The following TDRD12 variants were observed in gnomAD, a reference collection of about 807,000 sequenced individuals.
TDRD12 encodes putative ATP-dependent RNA helicase TDRD12.
A neutral mutation model predicts 133.5 loss-of-function variants in TDRD12; 158 were observed. The observed-to-expected ratio is 1.18, with a 90% CI of 1.04 to 1.35. TDRD12 has a LOEUF of 1.35. Ranked by LOEUF, TDRD12 falls within the 40% of genes most tolerant of loss-of-function variation. The pLI is 0.00. For synonymous variants in TDRD12, 460 were observed against 477.9 expected (o/e 0.96, Z 0.49); for missense variants, 1,443 against 1,321.3 (o/e 1.09, Z -1.43).
chr19:32,755,909 T>G, intron 6 of TDRD12, 83 bp from the exon 7 acceptor site: 1 of 1,024,930 alleles, frequency 9.8e-7, no homozygotes, highest in Non-Finnish European at 1.3e-6. Flanking sequence ...AGGTAGAACT[T>G]TGGGGTTAAG....
At chr19:32,770,110 A>G (rs914044791) in intron 8 of TDRD12, among the ~76,000 whole-genome samples, 12 of 149,600 alleles carry the variant, frequency 8.0e-5, no homozygotes, top group African/African-American at 3.0e-4. Context: ...AACTTTAAGC[A>G]ATTCTCCCAC....
chr19:32,726,120 G>T (rs184980614), intron 1 of TDRD12, among the ~76,000 whole-genome samples: 3 of 148,648 alleles, frequency 2.0e-5, no homozygotes, highest in Admixed American at 6.8e-5. Flanking sequence ...TTGCTCTGTC[G>T]CCCAGGCCGG....
At chr19:32,795,347 A>G (rs1431186668) in intron 14 of TDRD12, among the ~76,000 whole-genome samples, 3 of 151,860 alleles carry the variant, frequency 2.0e-5, no homozygotes, top group Non-Finnish European at 2.9e-5. Flanking sequence ...AAAAAAAAAA[A>G]AAAAAGAAAG....
At position 32,777,834 on chromosome 19, in the gene TDRD12, TATATATATATATATATATATATA is replaced by T. The variant is rs1313552828; in HGVS notation, c.1121+606_1121+628del. The stretch of plus-strand genomic sequence containing the variant: ...TTACATATATATATATATATATATA[TATATATATATATATATATATATA>T]TTTTTTTTTTTTTTTTTTTTTTTTT... On this transcript the variant is annotated intron_variant, in intron 11 of 27. Transcript: ENST00000444215. 6.5e-3 allele frequency among the ~76,000 whole-genome samples: 72 copies of T among 11,144 alleles called. 1 individual carries two copies. The highest frequency in any genetic ancestry group is 0.017 in the East Asian group (7 of 412). The allele number at this position is 11,144 out of a possible 152,430, so 7.3% of individuals were successfully genotyped here. A position where few individuals can be genotyped will look rare whatever the true frequency, so the allele number is the denominator to read the frequency against.
chr19:32,746,937 TGA>T (rs35506918), intron 4 of TDRD12, among the ~76,000 whole-genome samples: 9 of 126,022 alleles, frequency 7.1e-5, no homozygotes, highest in East Asian at 2.6e-4. Flanking sequence ...GGCTATTCTG[TGA>T]GAGAGAGAGA....
intron 11 of TDRD12, among the ~76,000 whole-genome samples, chr19:32,787,820 T>C (rs1406732377): frequency 6.6e-6 from 1 of 152,172 alleles, no homozygotes; most frequent in Non-Finnish European, 1.5e-5. Context: ...GGCAGGAGTA[T>C]ACTGCTCCTC....
At chr19:32,807,487 C>T (rs779696430) in intron 21 of TDRD12, 62 bp from the exon 22 acceptor site, 5 of 1,175,940 alleles carry the variant, frequency 4.3e-6, no homozygotes, top group South Asian at 3.3e-5. Context: ...CTGAAGAAAG[C>T]GTTAAAATTC....
rs1035239451 is a variant in TDRD12, at chr19:32,797,640, G to A, written c.1474-95G>A. ...TGATTATAGCAGAAACTTACGGGGT[G>A]CTGCTTCTGTGCAAGGAGATGTTCT... On this transcript the variant is annotated intron_variant, in intron 14 of 27. Coordinates refer to ENST00000444215, the Ensembl canonical transcript of TDRD12. 2.2e-5 allele frequency: 12 copies of A among 549,618 alleles called. No individual in the cohort carries two copies. The Admixed American group carries it at 3.5e-4, about 16-fold the overall frequency. The allele number at this position is 549,618 out of a possible 1,614,324, so 34.0% of individuals were successfully genotyped here. A position where few individuals can be genotyped will look rare whatever the true frequency, so the allele number is the denominator to read the frequency against.
At position 32,802,800 on chromosome 19, in the gene TDRD12, T is replaced by C. The variant is rs1971438505; in HGVS notation, c.2331+11T>C. ...TTTCACGCTGAACAGGTTTGGTGAA[T>C]TTTTATTCTCTTCCATATTCCACTG... On this transcript the variant is annotated intron_variant, in intron 20 of 27. Transcript: ENST00000444215. 6.5e-7 allele frequency: 1 copy of C among 1,536,606 alleles called. No homozygotes were observed. The highest frequency in any genetic ancestry group is 8.7e-7 in the Non-Finnish European group (1 of 1,146,956).
At chr19:32,723,365 C>G (rs1343645410) in intron 1 of TDRD12, among the ~76,000 whole-genome samples, 1 of 151,928 alleles carries the variant, frequency 6.6e-6, no homozygotes, top group East Asian at 1.9e-4. Context: ...ATTCTCCTGC[C>G]TCAGCCTCCC....
chr19:32,778,522 C>T (rs780235715), intron 11 of TDRD12, among the ~76,000 whole-genome samples: 5 of 151,970 alleles, frequency 3.3e-5, no homozygotes, highest in Non-Finnish European at 5.9e-5. Context: ...TAATTGGAGA[C>T]GGAATCTTGC....
rs937776777 is a variant in TDRD12 at position 32,719,799 on chromosome 19, G to T, written c.-274G>T. 4 of 556,310 alleles carry T rather than the reference G, an allele frequency of 7.2e-6. No homozygotes were observed. The East Asian group carries it at 9.2e-5, about 13-fold the overall frequency. The allele number at this position is 556,310 out of a possible 1,614,324, so 34.5% of individuals were successfully genotyped here. On this transcript the variant is annotated 5_prime_UTR_variant, in exon 1 of 28. Transcript: ENST00000444215. ...GCGTGCGCGGGCATCCGGTGGGTGCGGGAGGCCCGAGGCCAGGCAGGCAGG... is the reference window on the plus strand; with the variant it reads ...GCGTGCGCGGGCATCCGGTGGGTGCTGGAGGCCCGAGGCCAGGCAGGCAGG...
chr19:32,803,115 C>A, exon 21 of TDRD12: 1 of 1,527,912 alleles, frequency 6.5e-7, no homozygotes, highest in South Asian at 1.2e-5. Context: ...CCTCTTTGTC[C>A]ATATCTGAAG....
At chr19:32,808,747 C>T (rs1388155752) in intron 22 of TDRD12, among the ~76,000 whole-genome samples, 1 of 152,204 alleles carries the variant, frequency 6.6e-6, no homozygotes, top group Admixed American at 6.5e-5. Context: ...TTCCTGCATT[C>T]TGTCACCTCA....
chr19:32,777,857 A>AT (rs869285558), intron 11 of TDRD12, among the ~76,000 whole-genome samples: 5 of 20,052 alleles, frequency 2.5e-4, no homozygotes, highest in Non-Finnish European at 4.0e-4. Flanking sequence ...ATATATATAT[A>AT]TTTTTTTTTT....
At chr19:32,813,880 T>C in intron 25 of TDRD12, 104 bp downstream of exon 25, 1 of 686,356 alleles carries the variant, frequency 1.5e-6, no homozygotes, top group Non-Finnish European at 2.4e-6. Flanking sequence ...ATAGAAACGG[T>C]GACTTATTTG....
chr19:32,790,613 G>C, intron 12 of TDRD12, 22 bp downstream of exon 12: 1 of 1,551,506 alleles, frequency 6.4e-7, no homozygotes, highest in African/African-American at 1.4e-5. Flanking sequence ...CCTAAAAAAA[G>C]TAAAATAAAA....
At chr19:32,740,750 G>A (rs2145475168) in intron 3 of TDRD12, among the ~76,000 whole-genome samples, 1 of 152,298 alleles carries the variant, frequency 6.6e-6, no homozygotes, top group East Asian at 1.9e-4. Context: ...CATAGTCTCA[G>A]GGTGCACAGA....
At chr19:32,731,849 T>G in exon 2 of TDRD12, 1 of 1,549,446 alleles carries the variant, frequency 6.5e-7, no homozygotes, top group Non-Finnish European at 8.7e-7. Flanking sequence ...TGTCAAGATA[T>G]AGAAATAAAA....
Sources: gnomAD v4.1 joint callset for allele counts (sites outside exome capture counted in the v4.1 genomes callset) on GRCh38, gnomAD v4.1.1 for gene constraint, MANE v1.5 for transcripts, NCBI Gene and HGNC (gene_info 2026-07-23, HGNC 2026-07-21) for gene names.